Variants in MYO5B observed in about 807,000 individuals in gnomAD.
MYO5B encodes the protein myosin VB.
Under a neutral mutation model 229.3 loss-of-function variants are expected in MYO5B, and 143 were observed. That is an observed-to-expected ratio of 0.62 (90% CI 0.54 to 0.72). The LOEUF (loss-of-function observed/expected upper bound fraction) is 0.72, where lower values mean the gene tolerates loss of function less well. Ranked by LOEUF, MYO5B falls within the 30% of genes least tolerant of loss-of-function variation. MYO5B has a pLI of 0.00. For synonymous variants in MYO5B, 918 were observed against 885.2 expected, an observed-to-expected ratio of 1.04 and a Z score of -0.66; for missense variants, 2,321 against 2,331.0, an observed-to-expected ratio of 1.00 and a Z score of 0.09.
At chr18:49,963,869 T>C (rs1250518392) in intron 10 of MYO5B, among the ~76,000 whole-genome samples, 3 of 152,168 alleles carry the variant, frequency 2.0e-5, no homozygotes, top group Admixed American at 1.3e-4. Flanking sequence ...TGCAATGGTG[T>C]CCAGGTGAGG....
intron 1 of MYO5B, among the ~76,000 whole-genome samples, chr18:50,084,938 T>A (rs1426878235): frequency 6.6e-6 from 1 of 152,204 alleles, no homozygotes; most frequent in African/African-American, 2.4e-5. Flanking sequence ...GACTTACATG[T>A]TAGACCTAAA....
chr18:50,149,167 G>C (rs957909319), intron 1 of MYO5B, among the ~76,000 whole-genome samples: 2 of 152,196 alleles, frequency 1.3e-5, no homozygotes, highest in Non-Finnish European at 2.9e-5. Context: ...ACAAACCACT[G>C]CTCAATGTAA....
intron 2 of MYO5B, among the ~76,000 whole-genome samples, chr18:50,049,369 T>A: frequency 6.6e-6 from 1 of 152,222 alleles, no homozygotes; most frequent in Non-Finnish European, 1.5e-5. Context: ...ATAAACTGCC[T>A]GGTCAACACA....
chr18:49,869,795 C>G (rs11659307), intron 27 of MYO5B, among the ~76,000 whole-genome samples: 36,490 of 151,734 alleles, frequency 0.24, 4,521 homozygotes, highest in East Asian at 0.41. Context: ...CCTATCCCAG[C>G]CTTCTGATTC....
Position 49,969,235 on chromosome 18 carries a change from G to C in MYO5B, c.1322+5115C>G, listed in dbSNP as rs375345317. Among the ~76,000 whole-genome samples, 3 of 152,172 alleles carry C rather than the reference G, an allele frequency of 2.0e-5. No homozygotes were observed. In the East Asian group the frequency reaches 5.8e-4, roughly 29 times the overall value. ...CCCTCCATTTTCTGTGAAACCTTTC[G>C]ATACTGGCTAGAGAAGAGATGGGTA... On this transcript the variant is annotated intron_variant, in intron 10 of 39. Coordinates refer to ENST00000285039, the MANE Select transcript of MYO5B (RefSeq NM_001080467.3).
At chr18:49,850,735 CCT>C (rs199645581) in intron 31 of MYO5B, 2,484 of 152,490 alleles carry the variant, frequency 0.016, 25 homozygotes, top group Non-Finnish European at 0.022. Flanking sequence ...CTCCGTCTCC[CCT>C]GTTAGGTGCC....
intron 4 of MYO5B, 81 bp from the exon 5 acceptor site, chr18:50,001,492 T>C: frequency 6.6e-7 from 1 of 1,505,132 alleles, no homozygotes; most frequent in Non-Finnish European, 9.2e-7. Context: ...GACAAGGGCC[T>C]GAGCCTCACT....
chr18:49,983,979 G>T (rs985855698), intron 8 of MYO5B, among the ~76,000 whole-genome samples: 2 of 152,194 alleles, frequency 1.3e-5, no homozygotes, highest in Non-Finnish European at 2.9e-5. Flanking sequence ...TCAGAGAAGG[G>T]GCTGGGGAAG....
chr18:50,194,598 G>A (rs903278873), intron 1 of MYO5B, among the ~76,000 whole-genome samples, 169 bp downstream of exon 1: 1 of 152,168 alleles, frequency 6.6e-6, no homozygotes, highest in African/African-American at 2.4e-5. Context: ...AACTTTCTCC[G>A]CCAACCGAAG....
chr18:50,039,323 G>A (rs1568081367), intron 3 of MYO5B, among the ~76,000 whole-genome samples: 1 of 152,092 alleles, frequency 6.6e-6, no homozygotes, highest in Non-Finnish European at 1.5e-5. Flanking sequence ...AGTTTATTTC[G>A]TTGTTTTGTT....
chr18:49,944,384 G>A (rs543806282), intron 14 of MYO5B, among the ~76,000 whole-genome samples: 350 of 152,096 alleles, frequency 2.3e-3, no homozygotes, highest in Middle Eastern at 6.8e-3. Context: ...CAGATCCCTG[G>A]CTACAGCATA....
chr18:49,962,130 GC>G (rs2025566242), intron 12 of MYO5B, 135 bp downstream of exon 12: 1 of 1,115,356 alleles, frequency 9.0e-7, no homozygotes, highest in South Asian at 1.3e-5. Context: ...CTTCTAGTAT[GC>G]AGCCTGCCAA....
At chr18:50,188,999 G>A (rs1421892791) in intron 1 of MYO5B, among the ~76,000 whole-genome samples, 1 of 152,122 alleles carries the variant, frequency 6.6e-6, no homozygotes, top group Non-Finnish European at 1.5e-5. Flanking sequence ...GGGGAGCAGA[G>A]GATCAACGGA....
chr18:49,954,259 G>A (rs904695103), intron 13 of MYO5B, 54 bp downstream of exon 13: 1 of 1,607,800 alleles, frequency 6.2e-7, no homozygotes. Context: ...AGCCCATTGA[G>A]TCTACTTAGA....
At chr18:50,004,102 G>T (rs995689835) in intron 4 of MYO5B, among the ~76,000 whole-genome samples, 10 of 152,168 alleles carry the variant, frequency 6.6e-5, no homozygotes, top group African/African-American at 2.4e-4. Flanking sequence ...GGGAGTGACT[G>T]GAAAGTCATG....
rs1568105336 is a variant in MYO5B, at chr18:50,097,420, T to C, written c.28-42042A>G. On this transcript the variant is annotated intron_variant, in intron 1 of 39. Transcript: ENST00000285039. ...CTCAATAAAGATTTAATTGTACTAATAAAACTTGTTTGGGCCACATATAAC... is the reference window on the plus strand; with the variant it reads ...CTCAATAAAGATTTAATTGTACTAACAAAACTTGTTTGGGCCACATATAAC... 6 of 366,764 alleles carry C rather than the reference T, an allele frequency of 1.6e-5. No individual in the cohort carries two copies. In the East Asian group the frequency reaches 2.3e-4, roughly 14 times the overall value. The allele number at this position is 366,764 out of a possible 1,614,324, so 22.7% of individuals were successfully genotyped here. A position where few individuals can be genotyped will look rare whatever the true frequency, so the allele number is the denominator to read the frequency against.
chr18:50,085,625 T>C (rs1357575090), intron 1 of MYO5B, among the ~76,000 whole-genome samples: 1 of 152,212 alleles, frequency 6.6e-6, no homozygotes, highest in Non-Finnish European at 1.5e-5. Flanking sequence ...CATATGTTTT[T>C]TGCGGCACTA....
intron 22 of MYO5B, among the ~76,000 whole-genome samples, chr18:49,892,499 A>G (rs2144126754): frequency 6.6e-6 from 1 of 152,340 alleles, no homozygotes; most frequent in East Asian, 1.9e-4. Context: ...TATCAAACTC[A>G]TTAAACATCT....
intron 1 of MYO5B, among the ~76,000 whole-genome samples, chr18:50,153,628 T>C (rs988790665): frequency 1.3e-5 from 2 of 152,164 alleles, no homozygotes; most frequent in African/African-American, 4.8e-5. Context: ...TTTTGTATTT[T>C]TAGTAGAGAC....
Sources: allele counts gnomAD v4.1 joint callset (sites outside exome capture counted in the v4.1 genomes callset), GRCh38; gene constraint gnomAD v4.1.1; transcripts MANE v1.5; gene names NCBI Gene and HGNC (gene_info 2026-07-23, HGNC 2026-07-21).